Variants in FXYD7 observed in about 807,000 individuals in gnomAD.
FXYD7 encodes the protein FXYD domain containing ion transport regulator 7, also known as FXYD domain-containing ion transport regulator 7.
Under a neutral mutation model 15.3 loss-of-function variants are expected in FXYD7, and 7 were observed. The ratio of observed to expected loss-of-function variants is 0.46; its 90% CI spans 0.26 to 0.86. FXYD7 has a LOEUF of 0.86. Ranked by LOEUF, FXYD7 falls within the 40% of genes least tolerant of loss-of-function variation. The pLI is 0.16. For synonymous variants in FXYD7, 39 were observed against 39.3 expected (o/e 0.99, Z 0.03); for missense variants, 78 against 100.6 (o/e 0.78, Z 0.96).
chr19:35,143,756 G>C lies in FXYD7; in HGVS notation c.31+392G>C, dbSNP rs886695834. On this transcript the variant is annotated intron_variant, in intron 1 of 5. Coordinates refer to ENST00000270310, the MANE Select transcript of FXYD7 (RefSeq NM_022006.2). The surrounding 1 kb of genome is among the most constrained non-coding windows in gnomAD (Gnocchi z 4.3). ...GAAGATTTCAGGGTCCCTGGGGTGG[G>C]CAAGGGAAGGGGAGGAGGTTCATGT... Among the ~76,000 whole-genome samples, 4 of 152,198 alleles carry C rather than the reference G, an allele frequency of 2.6e-5. No individual in the cohort carries two copies. The highest frequency in any genetic ancestry group is 9.7e-5 in the African/African-American group (4 of 41,444).
intron 1 of FXYD7, among the ~76,000 whole-genome samples, chr19:35,144,969 C>T (rs181721674): frequency 3.7e-4 from 57 of 152,206 alleles, no homozygotes; most frequent in African/African-American, 1.3e-3. Flanking sequence ...TCTCCCTCCA[C>T]CCTGCCAGAG....
intron 1 of FXYD7, among the ~76,000 whole-genome samples, chr19:35,145,963 A>T (rs997498581): frequency 2.0e-5 from 3 of 151,338 alleles, no homozygotes; most frequent in African/African-American, 7.3e-5. Flanking sequence ...TTTTTCATAG[A>T]GACTGCTTTT....
At chr19:35,145,244 C>A (rs2065285269) in intron 1 of FXYD7, among the ~76,000 whole-genome samples, 2 of 152,242 alleles carry the variant, frequency 1.3e-5, no homozygotes, top group Admixed American at 1.3e-4. Context: ...TAGCAACCAC[C>A]TCCTTCCTGA....
At chr19:35,150,472 G>A (rs925740051) in intron 2 of FXYD7, among the ~76,000 whole-genome samples, 6 of 152,196 alleles carry the variant, frequency 3.9e-5, no homozygotes, top group Non-Finnish European at 7.3e-5. Context: ...AAATAAAGAA[G>A]GGAATGAGAT....
At chr19:35,149,849 C>T (rs942169660) in intron 2 of FXYD7, among the ~76,000 whole-genome samples, 6 of 152,168 alleles carry the variant, frequency 3.9e-5, no homozygotes, top group African/African-American at 1.4e-4. Context: ...AATGCTAGTG[C>T]TTTGGGAGGC....
chr19:35,152,756 G>A (rs2065316264), intron 5 of FXYD7, among the ~76,000 whole-genome samples: 1 of 151,788 alleles, frequency 6.6e-6, no homozygotes, highest in South Asian at 2.1e-4. Flanking sequence ...AGCATGGAAA[G>A]TGTAAAGGGA....
rs985830955 is a variant in FXYD7 at position 35,153,040 on chromosome 19, T to G, written c.221-854T>G. On this transcript the variant is annotated intron_variant, in intron 5 of 5. Coordinates refer to ENST00000270310, the MANE Select transcript of FXYD7 (RefSeq NM_022006.2). ...GGAATTTGTTTCACGTTCCTTTTTT[T>G]TTTTTTTTTTTTTTTTTTTTTTGAG... Among the ~76,000 whole-genome samples, 18 of 114,690 alleles carry G rather than the reference T, an allele frequency of 1.6e-4. 3 individuals are homozygous for G. Among genetic ancestry groups the G allele is most frequent in the South Asian group, 6.7e-4 (2 of 2,996 alleles). 75.2% of individuals were successfully genotyped at this position (114,690 alleles called of 152,430 possible).
In FXYD7 at chr19:35,143,489, T is replaced by A. The variant is rs1309556023; in HGVS notation, c.31+125T>A. On this transcript the variant is annotated intron_variant, in intron 1 of 5. Transcript: ENST00000270310. The surrounding 1 kb of genome is among the most constrained non-coding windows in gnomAD (Gnocchi z 4.3). ...TTGGGGGAGGGAGGTCCGCTCCTCC[T>A]GTGGGCGGAAGCCCCTGTAATGCGC... 1.3e-6 allele frequency: 1 copy of A among 741,552 alleles called. No homozygotes were observed. Among genetic ancestry groups the A allele is most frequent in the African/African-American group, 1.9e-5 (1 of 53,348 alleles). 45.9% of individuals were successfully genotyped at this position (741,552 alleles called of 1,614,324 possible).
intron 1 of FXYD7, among the ~76,000 whole-genome samples, chr19:35,145,388 G>A (rs971322594): frequency 1.3e-4 from 20 of 152,252 alleles, no homozygotes; most frequent in Non-Finnish European, 2.6e-4. Context: ...CCGCATGGAG[G>A]AGGATCTTCC....
At chr19:35,148,083 G>GAAAGA (rs1555736995) in intron 1 of FXYD7, among the ~76,000 whole-genome samples, 1 of 123,882 alleles carries the variant, frequency 8.1e-6, no homozygotes, top group Non-Finnish European at 1.6e-5. Context: ...AAGAAAGAAA[G>GAAAGA]AAAGAAAGAA....
At chr19:35,145,629 T>C (rs529411181) in intron 1 of FXYD7, among the ~76,000 whole-genome samples, 5 of 152,372 alleles carry the variant, frequency 3.3e-5, no homozygotes, top group African/African-American at 4.8e-5. Flanking sequence ...ATTTACTCTC[T>C]GGTGGGGAAA....
Position 35,148,714 on chromosome 19 carries a change from T to C in FXYD7, c.52T>C (p.Phe18Leu). The C allele has an allele frequency of 6.3e-7, 1 of 1,589,958 alleles. No homozygotes were observed. Among genetic ancestry groups the C allele is most frequent in the Non-Finnish European group, 8.6e-7 (1 of 1,162,714 alleles). Residue 18 changes from phenylalanine to leucine, a missense_variant, in exon 2 of 6, where the codon TTT (phenylalanine) becomes CTT (leucine). Transcript: ENST00000270310. ...CTCAGCTCCTGAGGAACCTGACCCA[T>C]TTTACTATGGTGAGTGTTGGATTTG... Reference protein sequence around the residue: ...PTKAPEEPDPFYYDYNTVQTV... With the variant: ...PTKAPEEPDPLYYDYNTVQTV...
intron 1 of FXYD7, among the ~76,000 whole-genome samples, chr19:35,147,119 A>G (rs2065291316): frequency 1.3e-5 from 2 of 152,256 alleles, no homozygotes; most frequent in Non-Finnish European, 2.9e-5. Context: ...CATTCAGGCC[A>G]CCAGGCTAGA....
At position 35,153,886 on chromosome 19, in the gene FXYD7, C is replaced by A. The variant is rs748394914; in HGVS notation, c.221-8C>A. 5.0e-6 allele frequency: 8 copies of A among 1,612,878 alleles called. No individual in the cohort carries two copies. Among genetic ancestry groups the A allele is most frequent in the Non-Finnish European group, 6.8e-6 (8 of 1,179,190 alleles). Reference sequence around the variant, plus strand: ...TTCTAGTGGCTCACGCACCCCCTCTCTCCCCAGCCCCTGGTGGCGGCGGCG... The same window carrying A: ...TTCTAGTGGCTCACGCACCCCCTCTATCCCCAGCCCCTGGTGGCGGCGGCG... On this transcript the variant is annotated splice_polypyrimidine_tract_variant and splice_region_variant and intron_variant, in intron 5 of 5. Coordinates refer to ENST00000270310, the MANE Select transcript of FXYD7 (RefSeq NM_022006.2).
At chr19:35,145,081 G>A (rs2145394205) in intron 1 of FXYD7, among the ~76,000 whole-genome samples, 1 of 152,250 alleles carries the variant, frequency 6.6e-6, no homozygotes, top group South Asian at 2.1e-4. Context: ...CCAGAAGCCA[G>A]TCCTGCAGGG....
rs186468123 is a variant in FXYD7, at chr19:35,151,804, G to A, written c.220+131G>A. ...GGGGGTGGTGCCTGCAGATATCACA[G>A]GACAATTCCCTAGGAAGCTGAGGAA... On this transcript the variant is annotated intron_variant, in intron 5 of 5. Coordinates refer to ENST00000270310, the MANE Select transcript of FXYD7 (RefSeq NM_022006.2). The A allele has an allele frequency of 3.8e-5, 28 of 743,998 alleles. No homozygotes were observed. The East Asian group carries it at 5.4e-4, about 14-fold the overall frequency. The allele number at this position is 743,998 out of a possible 1,614,324, so 46.1% of individuals were successfully genotyped here.
In FXYD7 at chr19:35,151,249, C is replaced by A. The variant is rs755250365; in HGVS notation, c.62-5C>A. 1.9e-6 allele frequency: 3 copies of A among 1,584,624 alleles called. No individual in the cohort carries two copies. The highest frequency in any genetic ancestry group is 2.6e-6 in the Non-Finnish European group (3 of 1,153,312). On this transcript the variant is annotated splice_polypyrimidine_tract_variant and splice_region_variant and intron_variant, in intron 2 of 5. Coordinates refer to ENST00000270310, the MANE Select transcript of FXYD7 (RefSeq NM_022006.2). ...TGCCTCGATGTCCCCCATTATCTTC[C>A]CCAGACTACAACACGGTGCAGACTG...
At chr19:35,152,733 G>A (rs571939927) in intron 5 of FXYD7, among the ~76,000 whole-genome samples, 1 of 151,860 alleles carries the variant, frequency 6.6e-6, no homozygotes, top group Admixed American at 6.6e-5. Flanking sequence ...GTGGAGGAGG[G>A]AGAATGGGTG....
At chr19:35,151,586 G>A (rs1005887235) in intron 4 of FXYD7, 47 bp from the exon 5 acceptor site, 1 of 1,601,956 alleles carries the variant, frequency 6.2e-7, no homozygotes. Flanking sequence ...AAAGCCTATG[G>A]TTATTGAACC....
Sources: gnomAD v4.1 joint callset for allele counts (sites outside exome capture counted in the v4.1 genomes callset) on GRCh38, gnomAD v4.1.1 for gene constraint, Gnocchi (gnomAD v3.1) non-coding constraint, MANE v1.5 for transcripts, NCBI Gene and HGNC (gene_info 2026-07-23, HGNC 2026-07-21) for gene names.